The following COPS4 variants were observed in gnomAD, a reference collection of about 807,000 sequenced individuals.
The protein encoded by COPS4 is COP9 signalosome subunit 4.
A neutral mutation model predicts 55.1 loss-of-function variants in COPS4; 8 were observed. The ratio of observed to expected loss-of-function variants is 0.15; its 90% confidence interval spans 0.09 to 0.26. The LOEUF (loss-of-function observed/expected upper bound fraction) is 0.26, where lower values mean the gene tolerates loss of function less well. COPS4 is among the 10% of genes least tolerant of loss of function. The pLI is 1.00. For synonymous variants in COPS4, 185 were observed against 165.7 expected (o/e 1.12, Z -0.90); for missense variants, 248 against 484.0 (o/e 0.51, Z 4.58).
rs1268742902 is a variant in COPS4, at chr4:83,073,355, T to A, written c.1088-1942T>A. On this transcript the variant is annotated intron_variant, in intron 9 of 9. Coordinates refer to ENST00000264389, the MANE Select transcript of COPS4 (RefSeq NM_016129.3). Reference sequence around the variant, plus strand: ...TAGGGTTCATCCATGTCATGGCAGGTAATCAGTGCTTCATTCATTTTTATA... The same window carrying A: ...TAGGGTTCATCCATGTCATGGCAGGAAATCAGTGCTTCATTCATTTTTATA... 5 of 643,854 alleles carry A rather than the reference T, an allele frequency of 7.8e-6. No individual in the cohort carries two copies. In the African/African-American group the frequency reaches 8.9e-5, roughly 12 times the overall value. 39.9% of individuals were successfully genotyped at this position (643,854 alleles called of 1,614,324 possible).
At chr4:83,057,473 A>C in intron 6 of COPS4, 65 bp downstream of exon 6, 2 of 1,376,790 alleles carry the variant, frequency 1.5e-6, no homozygotes, top group South Asian at 3.2e-5. Flanking sequence ...TAGGTTGGTT[A>C]CTGTTGGAAA....
chr4:83,070,428 A>C (rs1264675001), intron 9 of COPS4, among the ~76,000 whole-genome samples: 2 of 152,214 alleles, frequency 1.3e-5, no homozygotes, highest in Non-Finnish European at 2.9e-5. Context: ...TGAACATATC[A>C]AAAACTGAAT....
In COPS4 at chr4:83,063,094, T is replaced by C; in HGVS notation, c.734T>C (p.Met245Thr). The change falls in exon 7 of 10, where the codon ATG (methionine) becomes ACG (threonine). Residue 245 changes from methionine (M) to threonine (T), a missense_variant. Met to Thr is a moderately conservative substitution (Grantham distance 81, BLOSUM62 -1). Around this residue, in one of 4 missense-constraint regions of COPS4, gnomAD observed 155 missense variants for 326.6 expected, o/e 0.47. Transcript: ENST00000264389. ...LASAGQQRSR[M>T]LATLFKDERC... is the part of the protein sequence containing the mutation. ...CTCTTAGGGCAGCAGCGTTCTCGGA[T>C]GCTAGCTACTCTTTTTAAGGATGAA... 6.4e-7 allele frequency: 1 copy of C among 1,562,324 alleles called. No individual in the cohort carries two copies. The highest frequency in any genetic ancestry group is 8.6e-7 in the Non-Finnish European group (1 of 1,160,090).
At chr4:83,049,734 G>T in intron 3 of COPS4, 147 bp from the exon 4 acceptor site, 1 of 558,850 alleles carries the variant, frequency 1.8e-6, no homozygotes. Context: ...AAAATTCGTA[G>T]GAAAACTTGG....
intron 3 of COPS4, 177 bp downstream of exon 3, chr4:83,049,494 T>A: frequency 1.9e-6 from 1 of 535,096 alleles, no homozygotes; most frequent in Non-Finnish European, 3.1e-6. Flanking sequence ...CAACTCCAAC[T>A]GACATTTGCT....
intron 6 of COPS4, among the ~76,000 whole-genome samples, chr4:83,059,760 G>C (rs557350539): frequency 1.3e-5 from 2 of 148,778 alleles, no homozygotes; most frequent in South Asian, 2.2e-4. Flanking sequence ...GCAGTGGCGC[G>C]ATCTCGGCTC....
At chr4:83,054,813 A>G (rs1730976972) in intron 4 of COPS4, among the ~76,000 whole-genome samples, 1 of 152,214 alleles carries the variant, frequency 6.6e-6, no homozygotes, top group African/African-American at 2.4e-5. Flanking sequence ...TAAAAATGTC[A>G]TTGGTTTTCT....
chr4:83,075,361 T>G lies in COPS4; in HGVS notation c.1152T>G (p.Leu384=). The part of the protein sequence containing the change: ...IQSLCFQVNN[L]LEKISQTAPE... ...CACTTTGTTTCCAAGTGAATAACCT[T>G]TTGGAGAAAATTAGTCAAACAGCAC... is the stretch of plus-strand genomic sequence containing the variant. Residue 384 remains leucine (L), a synonymous_variant, in exon 10 of 10, where the codon CTT becomes CTG. Transcript: ENST00000264389. 6.2e-7 allele frequency: 1 copy of G among 1,614,168 alleles called. No homozygotes were observed.
intron 8 of COPS4, among the ~76,000 whole-genome samples, chr4:83,068,045 AC>A (rs1731332268): frequency 6.6e-6 from 1 of 152,178 alleles, no homozygotes; most frequent in Non-Finnish European, 1.5e-5. Context: ...TTCACCATCT[AC>A]CTTTCAATTT....
chr4:83,056,749 A>G (rs989991213), intron 4 of COPS4, among the ~76,000 whole-genome samples, 177 bp from the exon 5 acceptor site: 13 of 152,194 alleles, frequency 8.5e-5, no homozygotes, highest in African/African-American at 2.7e-4. Flanking sequence ...CAGTGAGCCA[A>G]TATTGCACCA....
chr4:83,037,670 G>T (rs779462277), intron 1 of COPS4, among the ~76,000 whole-genome samples: 6 of 151,836 alleles, frequency 4.0e-5, no homozygotes, highest in Non-Finnish European at 7.4e-5. Context: ...ATTTTTTCTT[G>T]TATGTACTTT....
At chr4:83,059,538 A>G (rs1047477860) in intron 6 of COPS4, among the ~76,000 whole-genome samples, 1 of 152,148 alleles carries the variant, frequency 6.6e-6, no homozygotes, top group African/African-American at 2.4e-5. Flanking sequence ...GCAATAATAG[A>G]CCCATTACAT....
chr4:83,065,612 A>T (rs1207139776), intron 7 of COPS4, among the ~76,000 whole-genome samples: 10 of 152,210 alleles, frequency 6.6e-5, no homozygotes. Flanking sequence ...GGTCTAATAC[A>T]TTCAAAGTAG....
intron 6 of COPS4, 96 bp downstream of exon 6, chr4:83,057,504 TC>T (rs1196319230): frequency 4.8e-5 from 44 of 908,046 alleles, no homozygotes; most frequent in Non-Finnish European, 6.5e-5. Flanking sequence ...GAACTATTCT[TC>T]AAAAGGATGT....
intron 4 of COPS4, among the ~76,000 whole-genome samples, chr4:83,055,447 CT>C (rs5859854): frequency 0.97 from 130,547 of 134,962 alleles, 63,106 homozygotes; most frequent in East Asian, 0.99. Flanking sequence ...AGTATTCTAC[CT>C]TTTTTTTTTT....
In COPS4 at chr4:83,071,953, G is replaced by A. The variant is rs567762062; in HGVS notation, c.1088-3344G>A. 1.3e-3 allele frequency among the ~76,000 whole-genome samples: 196 copies of A among 152,122 alleles called. 1 individual carries two copies. The highest frequency in any genetic ancestry group is 4.3e-3 in the African/African-American group (177 of 41,488). ...TCTTGATCTCATGACCTCGTGATCCGCCCGCCTCGGCCTCCCAAAGTGCTG... is the reference window on the plus strand; with the variant it reads ...TCTTGATCTCATGACCTCGTGATCCACCCGCCTCGGCCTCCCAAAGTGCTG... On this transcript the variant is annotated intron_variant, in intron 9 of 9. Transcript: ENST00000264389.
At chr4:83,063,338 A>C in intron 7 of COPS4, 92 bp downstream of exon 7, 1 of 840,960 alleles carries the variant, frequency 1.2e-6, no homozygotes, top group Non-Finnish European at 1.8e-6. Context: ...TTTAATAATA[A>C]TTCTACATAA....
chr4:83,065,963 C>A (rs1193899835), intron 7 of COPS4, among the ~76,000 whole-genome samples: 4 of 152,140 alleles, frequency 2.6e-5, no homozygotes, highest in African/African-American at 9.7e-5. Context: ...ACTGCCTGGC[C>A]AACATGACGA....
intron 8 of COPS4, 34 bp from the exon 9 acceptor site, chr4:83,068,404 T>C: frequency 7.1e-7 from 1 of 1,417,118 alleles, no homozygotes; most frequent in African/African-American, 1.4e-5. Flanking sequence ...AAAGATATGA[T>C]AAAGTTTCTG....
Sources: gnomAD v4.1 joint callset for allele counts (sites outside exome capture counted in the v4.1 genomes callset) on GRCh38, gnomAD v4.1.1 for gene constraint, gnomAD v4.1.1 regional missense constraint, MANE v1.5 for transcripts, NCBI Gene and HGNC (gene_info 2026-07-23, HGNC 2026-07-21) for gene names.